Variants in SLC7A8 observed in about 807,000 individuals in gnomAD.
SLC7A8 encodes large neutral amino acids transporter small subunit 2.
Under a neutral mutation model 51.2 loss-of-function variants are expected in SLC7A8, and 30 were observed. The observed-to-expected ratio is 0.59, with a 90% CI of 0.44 to 0.80. The LOEUF (loss-of-function observed/expected upper bound fraction) is 0.80. Ranked by LOEUF, SLC7A8 falls within the 30% of genes least tolerant of loss-of-function variation. The probability of loss-of-function intolerance (pLI) is 0.00; values close to 1 mark genes in which losing one functional copy is unlikely to be tolerated. For missense variants in SLC7A8, 612 were observed against 674.4 expected, an observed-to-expected ratio of 0.91 and a Z score of 1.03; for synonymous variants, 257 against 275.8, an observed-to-expected ratio of 0.93 and a Z score of 0.67.
intron 3 of SLC7A8, chr14:23,154,136 G>T (rs2048870905): frequency 2.1e-6 from 1 of 465,650 alleles, no homozygotes; most frequent in Non-Finnish European, 2.8e-6. Flanking sequence ...AAATCAGAAC[G>T]CCCTGTTCCT....
rs1555304290 is a variant in SLC7A8, at chr14:23,147,078, T to TATCCATCCATTCATCCATCC, written c.509-3875_509-3874insGGATGGATGAATGGATGGAT. ...CAGCTTTGAAATGTGAGGGGCTTTT[T>TATCCATCCATTCATCCATCC]ATCCATCCATCCATCCATCCATCCA... is the stretch of plus-strand genomic sequence containing the variant. On this transcript the variant is annotated intron_variant, in intron 3 of 10. Transcript: ENST00000316902. 603 of 148,440 alleles carry TATCCATCCATTCATCCATCC rather than the reference T, an allele frequency of 4.1e-3. 5 individuals are homozygous for TATCCATCCATTCATCCATCC. Among genetic ancestry groups the TATCCATCCATTCATCCATCC allele is most frequent in the African/African-American group, 0.015 (590 of 40,066 alleles). 9.2% of individuals were successfully genotyped at this position (148,440 alleles called of 1,614,324 possible). A position where few individuals can be genotyped will look rare whatever the true frequency, so the allele number is the denominator to read the frequency against.
intron 1 of SLC7A8, among the ~76,000 whole-genome samples, chr14:23,167,262 G>T (rs2140335951): frequency 6.6e-6 from 1 of 152,270 alleles, no homozygotes; most frequent in East Asian, 1.9e-4. Flanking sequence ...TTCTTTCAAA[G>T]GTCATTACCC....
At chr14:23,135,623 A>G (rs1594819925) in intron 7 of SLC7A8, among the ~76,000 whole-genome samples, 2 of 151,448 alleles carry the variant, frequency 1.3e-5, no homozygotes, top group East Asian at 4.0e-4. Flanking sequence ...AATGGCGTGA[A>G]CCCGGGAGGC....
At position 23,160,440 on chromosome 14, in the gene SLC7A8, G is replaced by A. The variant is rs146666500; in HGVS notation, c.508+4845C>T. ...CAAAAAATTAGCCGGACGTGGTGGC[G>A]GGCGCCTATAGTCCCAGCTACTCGG... On this transcript the variant is annotated intron_variant, in intron 3 of 10. Transcript: ENST00000316902. 4.8e-3 allele frequency among the ~76,000 whole-genome samples: 732 copies of A among 152,094 alleles called. 7 individuals are homozygous for A. Among genetic ancestry groups the A allele is most frequent in the African/African-American group, 0.016 (683 of 41,470 alleles).
intron 3 of SLC7A8, among the ~76,000 whole-genome samples, chr14:23,164,515 C>T (rs2048938964): frequency 6.6e-6 from 1 of 152,088 alleles, no homozygotes; most frequent in Non-Finnish European, 1.5e-5. Context: ...TCATTAGGCC[C>T]AAATCAGATA....
At chr14:23,146,296 G>A (rs1483523631) in intron 3 of SLC7A8, among the ~76,000 whole-genome samples, 1 of 152,216 alleles carries the variant, frequency 6.6e-6, no homozygotes, top group African/African-American at 2.4e-5. Flanking sequence ...CCTTCTCCAA[G>A]GGGAGGAGAG....
At chr14:23,179,445 C>T (rs1414980128) in intron 1 of SLC7A8, among the ~76,000 whole-genome samples, 1 of 151,772 alleles carries the variant, frequency 6.6e-6, no homozygotes, top group Non-Finnish European at 1.5e-5. Flanking sequence ...AATTATCCCT[C>T]TTAGTCAGTA....
At chr14:23,176,870 A>T (rs1208541494) in intron 1 of SLC7A8, among the ~76,000 whole-genome samples, 2 of 143,614 alleles carry the variant, frequency 1.4e-5, no homozygotes, top group African/African-American at 5.2e-5. Flanking sequence ...TGAATCTGGG[A>T]GGGAGAGGTT....
rs1945247068 is a variant in SLC7A8 at position 23,129,466 on chromosome 14, C to T, written c.1263+184G>A. On this transcript the variant is annotated intron_variant, in intron 9 of 10. Transcript: ENST00000316902. ...CCCCAGCTGCAGTCTGCTCCGATCT[C>T]ATCCCCAGTGGAGAATGGAAATAGT... 5 of 625,386 alleles carry T rather than the reference C, an allele frequency of 8.0e-6. No individual in the cohort carries two copies. In the South Asian group the frequency reaches 1.0e-4, roughly 13 times the overall value. 38.7% of individuals were successfully genotyped at this position (625,386 alleles called of 1,614,324 possible).
At chr14:23,166,005 C>T (rs28452404) in intron 2 of SLC7A8, among the ~76,000 whole-genome samples, 38,003 of 151,820 alleles carry the variant, frequency 0.25, 5,607 homozygotes, top group East Asian at 0.42. Context: ...GATAGAAGGG[C>T]GTTGTTTTTG....
At chr14:23,152,924 C>T (rs10138112) in intron 3 of SLC7A8, among the ~76,000 whole-genome samples, 2,335 of 152,256 alleles carry the variant, frequency 0.015, 76 homozygotes, top group African/African-American at 0.054. Flanking sequence ...GATAGGGCCA[C>T]CTGGATACGG....
chr14:23,159,015 G>T (rs1461304591), intron 3 of SLC7A8, among the ~76,000 whole-genome samples: 1 of 152,100 alleles, frequency 6.6e-6, no homozygotes, highest in Non-Finnish European at 1.5e-5. Flanking sequence ...CTCAAGCTGG[G>T]AGCCTTTCCA....
intron 3 of SLC7A8, among the ~76,000 whole-genome samples, chr14:23,151,749 TAAAAAAAAAAAA>T (rs60024939): frequency 9.9e-6 from 1 of 100,902 alleles, no homozygotes; most frequent in African/African-American, 3.8e-5. Context: ...CCCTGTCTCT[TAAAAAAAAAAAA>T]AAAAAAAAAA....
At chr14:23,152,734 T>G (rs144894862) in intron 3 of SLC7A8, among the ~76,000 whole-genome samples, 7 of 152,282 alleles carry the variant, frequency 4.6e-5, no homozygotes, top group Admixed American at 1.3e-4. Context: ...GGTGCTCCCT[T>G]GCTTTGGATA....
intron 1 of SLC7A8, among the ~76,000 whole-genome samples, chr14:23,172,169 C>T (rs930517604): frequency 6.6e-6 from 1 of 152,126 alleles, no homozygotes; most frequent in Non-Finnish European, 1.5e-5. Flanking sequence ...ATTTGTGAAA[C>T]GCTAACAAAT....
intron 1 of SLC7A8, among the ~76,000 whole-genome samples, chr14:23,175,617 T>C (rs1246536286): frequency 6.6e-6 from 1 of 152,198 alleles, no homozygotes; most frequent in Non-Finnish European, 1.5e-5. Context: ...ACTCTAAGCA[T>C]CTCCTGCTAG....
rs2048724215 is a variant in SLC7A8 at position 23,139,605 on chromosome 14, TGGAGTCCAG to T, written c.789-67_789-59del. 1.8e-5 allele frequency: 28 copies of T among 1,575,490 alleles called. No homozygotes were observed. The South Asian group carries it at 3.3e-4, about 19-fold the overall frequency. ...GGCACCCGGGACACCCGCCTTGCCA[TGGAGTCCAG>T]GGGGTGTCTTCTGTCTTTCTGCATG... On this transcript the variant is annotated intron_variant, in intron 5 of 10. Coordinates refer to ENST00000316902, the MANE Select transcript of SLC7A8 (RefSeq NM_012244.4).
intron 3 of SLC7A8, among the ~76,000 whole-genome samples, chr14:23,164,122 A>G (rs2048937210): frequency 6.6e-6 from 1 of 152,062 alleles, no homozygotes; most frequent in Non-Finnish European, 1.5e-5. Flanking sequence ...ACAGGTGTAC[A>G]CCACCATGCC....
chr14:23,154,994 C>A (rs1323832006), intron 3 of SLC7A8, among the ~76,000 whole-genome samples: 4 of 47,510 alleles, frequency 8.4e-5, no homozygotes, highest in Admixed American at 6.7e-4. Flanking sequence ...AGCCACACAA[C>A]AGACAAAAAA....
Sources: gnomAD v4.1 joint callset for allele counts (sites outside exome capture counted in the v4.1 genomes callset) on GRCh38, gnomAD v4.1.1 for gene constraint, MANE v1.5 for transcripts, NCBI Gene and HGNC (gene_info 2026-07-23, HGNC 2026-07-21) for gene names.